ADGRL2: variants seen among roughly 807,000 people sequenced by gnomAD.
ADGRL2 encodes the protein adhesion G protein-coupled receptor L2, also known as calcium-independent alpha-latrotoxin receptor 2.
A neutral mutation model predicts 157.4 loss-of-function variants in ADGRL2; 44 were observed. That is an observed-to-expected ratio of 0.28 (90% CI 0.22 to 0.36). ADGRL2 has a LOEUF of 0.36. Ranked by LOEUF, ADGRL2 falls within the 10% of genes least tolerant of loss-of-function variation. The probability of loss-of-function intolerance (pLI) is 1.00; values close to 1 mark genes in which losing one functional copy is unlikely to be tolerated. For missense variants in ADGRL2, 1,510 were observed against 1,768.9 expected, an observed-to-expected ratio of 0.85 and a Z score of 2.63; for synonymous variants, 585 against 624.7, an observed-to-expected ratio of 0.94 and a Z score of 0.95.
intron 3 of ADGRL2, among the ~76,000 whole-genome samples, chr1:81,608,647 T>G (rs1022761773): frequency 6.6e-6 from 1 of 152,172 alleles, no homozygotes; most frequent in African/African-American, 2.4e-5. Context: ...CCTATGTTTT[T>G]CTTCATAGCA....
intron 3 of ADGRL2, among the ~76,000 whole-genome samples, chr1:81,637,829 C>T (rs894574328): frequency 1.3e-5 from 2 of 151,736 alleles, no homozygotes. Context: ...TAATTATGAA[C>T]ATATTAACTT....
rs138442184 is a variant in ADGRL2 at position 81,563,623 on chromosome 1, C to G, written c.-247-17253C>G. ...AGAATTTTACAGCTAAAAACTCACT[C>G]TTTTTTTGTTTTTCAGTGAGGAAAG... On this transcript the variant is annotated intron_variant, in intron 2 of 24. Coordinates refer to the ADGRL2 transcript ENST00000370721. 9.9e-4 allele frequency among the ~76,000 whole-genome samples: 150 copies of G among 152,152 alleles called. 1 individual carries two copies. The highest frequency in any genetic ancestry group is 3.4e-3 in the African/African-American group (143 of 41,534).
At chr1:81,956,654 A>T (rs905669667) in intron 11 of ADGRL2, among the ~76,000 whole-genome samples, 2 of 152,212 alleles carry the variant, frequency 1.3e-5, no homozygotes, top group Non-Finnish European at 2.9e-5. Context: ...TGTGAAAAAT[A>T]TTTGAAAGAA....
At chr1:81,800,872 T>A (rs1342711307), upstream of ADGRL2, among the ~76,000 whole-genome samples, 1 of 131,976 alleles carries the variant, frequency 7.6e-6, no homozygotes, top group Non-Finnish European at 1.6e-5. Flanking sequence ...GCGAACCGAC[T>A]GGGAGGGGAG....
chr1:81,510,426 A>T lies in ADGRL2; in HGVS notation c.-248+65337A>T, dbSNP rs560098311. ...GCTGAAAAACAAAATTCCTTATTAG[A>T]ACCAGAAGTGTTAACCTGACAAACA... On this transcript the variant is annotated intron_variant, in intron 2 of 24. Coordinates refer to the ADGRL2 transcript ENST00000370721. 9.2e-4 allele frequency among the ~76,000 whole-genome samples: 140 copies of T among 152,274 alleles called. 1 individual carries two copies. The highest frequency in any genetic ancestry group is 3.3e-3 in the African/African-American group (137 of 41,552).
intron 2 of ADGRL2, among the ~76,000 whole-genome samples, chr1:81,475,642 C>T (rs1044735940): frequency 6.6e-6 from 1 of 151,968 alleles, no homozygotes; most frequent in Admixed American, 6.6e-5. Flanking sequence ...AAGAGAAAAG[C>T]AAAGATCTCT....
chr1:81,989,606 A>T (rs1200222468), intron 23 of ADGRL2: 2 of 1,549,626 alleles, frequency 1.3e-6, no homozygotes, highest in African/African-American at 2.7e-5. Context: ...AGAAGCTTAG[A>T]AATTCTTCAT....
At chr1:81,706,020 C>T (rs2083723264) in intron 1 of ADGRL2, among the ~76,000 whole-genome samples, 1 of 151,916 alleles carries the variant, frequency 6.6e-6, no homozygotes, top group Non-Finnish European at 1.5e-5. Flanking sequence ...ACCATCCTGG[C>T]CAACATAGTC....
chr1:81,804,894 G>A lies in ADGRL2; in HGVS notation c.-101+3826G>A, dbSNP rs146432105. On this transcript the variant is annotated intron_variant, in intron 1 of 23. Coordinates refer to ENST00000686636, the MANE Select transcript of ADGRL2 (RefSeq NM_001366006.2). ...GACTCATTTGTACACGTAGGTAACT[G>A]TTTTTTATGTGCTAAATAAATAGGG... 3.9e-3 allele frequency among the ~76,000 whole-genome samples: 601 copies of A among 152,244 alleles called. 4 individuals carry two copies. The highest frequency in any genetic ancestry group is 0.013 in the African/African-American group (543 of 41,574).
At chr1:81,512,490 G>GT (rs1407512341) in intron 2 of ADGRL2, among the ~76,000 whole-genome samples, 1 of 151,994 alleles carries the variant, frequency 6.6e-6, no homozygotes, top group Non-Finnish European at 1.5e-5. Flanking sequence ...TTTTAAGATG[G>GT]TTCTGATTCT....
chr1:81,501,957 G>A (rs1466812711), intron 2 of ADGRL2: 11 of 1,613,682 alleles, frequency 6.8e-6, no homozygotes, highest in Non-Finnish European at 8.5e-6. Context: ...ACAGCTGGGA[G>A]ACCTTCTGGC....
intron 1 of ADGRL2, among the ~76,000 whole-genome samples, chr1:81,816,334 TTGA>T (rs1199436267): frequency 4.6e-5 from 7 of 151,878 alleles, no homozygotes; most frequent in Non-Finnish European, 8.8e-5. Context: ...GTTTATACAA[TTGA>T]TGATATTACT....
chr1:81,344,234 T>C (rs1662298020), intron 1 of ADGRL2, among the ~76,000 whole-genome samples: 1 of 152,114 alleles, frequency 6.6e-6, no homozygotes, highest in South Asian at 2.1e-4. Flanking sequence ...CACGCCCTAA[T>C]TCGATGTTCT....
intron 1 of ADGRL2, among the ~76,000 whole-genome samples, chr1:81,813,901 T>C (rs697986): frequency 0.99 from 150,705 of 151,552 alleles, 74,942 homozygotes; most frequent in Middle Eastern, 1. Context: ...GTAACTGTCA[T>C]AGAGTGCATA....
At chr1:81,987,831 CT>C in intron 22 of ADGRL2, 37 bp from the exon 23 acceptor site, 1 of 300,832 alleles carries the variant, frequency 3.3e-6, no homozygotes, top group Middle Eastern at 4.6e-4. Flanking sequence ...TCTTTTCATT[CT>C]CTTGTTTTTT....
At chr1:81,935,640 C>T (rs2095299822) in intron 3 of ADGRL2, among the ~76,000 whole-genome samples, 1 of 151,684 alleles carries the variant, frequency 6.6e-6, no homozygotes, top group South Asian at 2.1e-4. Flanking sequence ...TGTGGTATTC[C>T]AACTGTTACA....
chr1:81,614,109 A>C (rs1156559745), intron 3 of ADGRL2, among the ~76,000 whole-genome samples: 1 of 152,184 alleles, frequency 6.6e-6, no homozygotes, highest in East Asian at 1.9e-4. Flanking sequence ...TATTGGCATA[A>C]TACCTCTAAA....
At chr1:81,693,194 A>G (rs953515152) in intron 3 of ADGRL2, among the ~76,000 whole-genome samples, 12 of 152,222 alleles carry the variant, frequency 7.9e-5, no homozygotes, top group Middle Eastern at 3.4e-3. Flanking sequence ...GAGCTCACGC[A>G]TTCCCATGTC....
At chr1:81,354,208 A>G (rs1421480229) in intron 1 of ADGRL2, among the ~76,000 whole-genome samples, 4 of 152,290 alleles carry the variant, frequency 2.6e-5, no homozygotes, top group African/African-American at 7.2e-5. Context: ...ATAACCCTAC[A>G]AGAAAACTAC....
Sources: gnomAD v4.1 joint callset for allele counts (sites outside exome capture counted in the v4.1 genomes callset) on GRCh38, gnomAD v4.1.1 for gene constraint, MANE v1.5 for transcripts, NCBI Gene and HGNC (gene_info 2026-07-23, HGNC 2026-07-21) for gene names.